Variants in CAB39L observed in about 807,000 individuals in gnomAD.
CAB39L encodes calcium-binding protein 39-like.
A neutral mutation model predicts 39.1 loss-of-function variants in CAB39L; 23 were observed. The ratio of observed to expected loss-of-function variants is 0.59; its 90% CI spans 0.42 to 0.83. The LOEUF (loss-of-function observed/expected upper bound fraction) is 0.83. Ranked by LOEUF, CAB39L falls within the 40% of genes least tolerant of loss-of-function variation. The pLI is 0.00. For synonymous variants in CAB39L, 126 were observed against 137.2 expected, an observed-to-expected ratio of 0.92 and a Z score of 0.57; for missense variants, 366 against 391.9, an observed-to-expected ratio of 0.93 and a Z score of 0.56.
At chr13:49,391,205 T>A (rs1325190800) in intron 3 of CAB39L, among the ~76,000 whole-genome samples, 1 of 152,172 alleles carries the variant, frequency 6.6e-6, no homozygotes, top group Non-Finnish European at 1.5e-5. Context: ...TGAAACACTG[T>A]TTACATAGTT....
chr13:49,341,775 C>T (rs1031369476), intron 8 of CAB39L, among the ~76,000 whole-genome samples: 10 of 152,124 alleles, frequency 6.6e-5, no homozygotes, highest in East Asian at 1.9e-4. Flanking sequence ...TTTGAGGTGA[C>T]GGGCATCCTG....
At chr13:49,435,294 T>G (rs1957390850) in intron 1 of CAB39L, among the ~76,000 whole-genome samples, 1 of 152,196 alleles carries the variant, frequency 6.6e-6, no homozygotes. Context: ...TTTCCAATCT[T>G]TTGCAAATGC....
At position 49,309,931 on chromosome 13, in the gene CAB39L, C is replaced by G. The variant is rs1953938833; in HGVS notation, c.*883G>C. The stretch of plus-strand genomic sequence containing the variant: ...TCCCTGGACCCATGGTTTGTGCCTG[C>G]TGGGCATCCCACTATGCTGATTCCT... On this transcript the variant is annotated 3_prime_UTR_variant, in exon 11 of 11. Coordinates refer to ENST00000409308, the MANE Select transcript of CAB39L (RefSeq NM_001079670.3). The G allele has an allele frequency of 6.6e-6, 1 of 152,226 alleles. No homozygotes were observed. Among genetic ancestry groups the G allele is most frequent in the South Asian group, 2.1e-4 (1 of 4,830 alleles). The allele number at this position is 152,226 out of a possible 1,614,324, so 9.4% of individuals were successfully genotyped here.
chr13:49,356,709 T>C (rs1201265899), intron 6 of CAB39L, among the ~76,000 whole-genome samples: 1 of 152,160 alleles, frequency 6.6e-6, no homozygotes, highest in Non-Finnish European at 1.5e-5. Context: ...ACAAGGATAA[T>C]TCGGTAAAAA....
At position 49,414,892 on chromosome 13, in the gene CAB39L, A is replaced by C. The variant is rs537813711; in HGVS notation, c.-32+18426T>G. On this transcript the variant is annotated intron_variant, in intron 3 of 10. Transcript: ENST00000409308. ...AGCTTTGTTTCGCCATTAAGTAGGC[A>C]TTAAAAAAAAATGTAGGCTTGCTGG... Among the ~76,000 whole-genome samples the C allele has an allele frequency of 4.6e-4, 70 of 152,268 alleles. 1 individual carries two copies. The highest frequency in any genetic ancestry group is 2.7e-3 in the South Asian group (13 of 4,826).
At chr13:49,388,852 C>T (rs7335750) in intron 3 of CAB39L, among the ~76,000 whole-genome samples, 82,644 of 151,802 alleles carry the variant, frequency 0.54, 23,873 homozygotes, top group African/African-American at 0.72. Context: ...ATAACTCAAT[C>T]AGAGAAGTAA....
intron 5 of CAB39L, 76 bp downstream of exon 5, chr13:49,376,891 G>GTAGATAGATAGA (rs111664849): frequency 0.026 from 20,590 of 785,340 alleles, 736 homozygotes; most frequent in African/African-American, 0.1. Flanking sequence ...AAGTTGAATA[G>GTAGATAGATAGA]TAGATAGATA....
chr13:49,361,477 CAAAAAA>C (rs33984866), intron 5 of CAB39L, among the ~76,000 whole-genome samples: 4 of 54,438 alleles, frequency 7.3e-5, no homozygotes, highest in African/African-American at 3.2e-4. Context: ...GACTTCATCT[CAAAAAA>C]AAAAAAAAAA....
intron 9 of CAB39L, among the ~76,000 whole-genome samples, chr13:49,338,506 TG>T (rs1440184441): frequency 6.2e-5 from 4 of 64,554 alleles, no homozygotes; most frequent in South Asian, 6.7e-4. Flanking sequence ...TGTTGTGGGG[TG>T]GGGGGAGGGG....
At chr13:49,329,534 TAAAA>T (rs777940622) in intron 10 of CAB39L, among the ~76,000 whole-genome samples, 77 of 17,388 alleles carry the variant, frequency 4.4e-3, no homozygotes, top group East Asian at 0.026. Flanking sequence ...TCTCTTCAAT[TAAAA>T]AAAAAAATAT....
chr13:49,434,687 C>T (rs1262931533), intron 1 of CAB39L, among the ~76,000 whole-genome samples: 1 of 151,792 alleles, frequency 6.6e-6, no homozygotes, highest in Non-Finnish European at 1.5e-5. Context: ...GACACCTTGT[C>T]TCTACAAAAA....
intron 3 of CAB39L, among the ~76,000 whole-genome samples, chr13:49,416,758 T>C (rs183633543): frequency 2.0e-5 from 3 of 152,292 alleles, no homozygotes; most frequent in Admixed American, 2.0e-4. Context: ...TTAAATGAAT[T>C]AATGTATAAA....
chr13:49,431,882 A>G (rs1304510891), intron 3 of CAB39L, among the ~76,000 whole-genome samples: 1 of 151,952 alleles, frequency 6.6e-6, no homozygotes, highest in Non-Finnish European at 1.5e-5. Context: ...GAAACAATTC[A>G]TCTCCATCTA....
chr13:49,349,455 C>CATAT (rs34379188), intron 7 of CAB39L, among the ~76,000 whole-genome samples: 3,690 of 141,720 alleles, frequency 0.026, 59 homozygotes, highest in African/African-American at 0.056. Flanking sequence ...AATCTGAATA[C>CATAT]ATATATATAT....
chr13:49,346,531 T>A (rs1035271371), intron 7 of CAB39L, among the ~76,000 whole-genome samples: 1 of 152,180 alleles, frequency 6.6e-6, no homozygotes, highest in Non-Finnish European at 1.5e-5. Context: ...TAGTATATTA[T>A]GCTGAAAAAT....
intron 10 of CAB39L, among the ~76,000 whole-genome samples, chr13:49,319,015 AG>A (rs1208054568): frequency 6.6e-6 from 1 of 152,096 alleles, no homozygotes; most frequent in Non-Finnish European, 1.5e-5. Flanking sequence ...AGGCCAAGGC[AG>A]GTGGATCACT....
At chr13:49,324,721 G>A (rs559142182) in intron 10 of CAB39L, among the ~76,000 whole-genome samples, 2 of 152,270 alleles carry the variant, frequency 1.3e-5, no homozygotes, top group East Asian at 3.9e-4. Context: ...GATGGGGTGA[G>A]GATCACATGG....
Position 49,379,706 on chromosome 13 carries a change from T to A in CAB39L, c.112-2575A>T, listed in dbSNP as rs796856101. Among the ~76,000 whole-genome samples, 171 of 28,740 alleles carry A rather than the reference T, an allele frequency of 5.9e-3. 51 individuals carry two copies. In the Middle Eastern group the frequency reaches 0.065, roughly 11 times the overall value. 18.9% of individuals were successfully genotyped at this position (28,740 alleles called of 152,430 possible). On this transcript the variant is annotated intron_variant, in intron 4 of 10. Coordinates refer to ENST00000409308, the MANE Select transcript of CAB39L (RefSeq NM_001079670.3). Reference sequence around the variant, plus strand: ...AGAATTATCAATAAAAAAATAAATTTAAAAAAAAAAAAAAACAAAAAAACA... The same window carrying A: ...AGAATTATCAATAAAAAAATAAATTAAAAAAAAAAAAAAAACAAAAAAACA...
intron 10 of CAB39L, among the ~76,000 whole-genome samples, chr13:49,328,527 G>A (rs888460907): frequency 6.6e-6 from 1 of 152,022 alleles, no homozygotes; most frequent in South Asian, 2.1e-4. Context: ...AAATTTTAGT[G>A]TGGTCACATT....
Sources: allele counts gnomAD v4.1 joint callset (sites outside exome capture counted in the v4.1 genomes callset), GRCh38; gene constraint gnomAD v4.1.1; transcripts MANE v1.5; gene names NCBI Gene and HGNC (gene_info 2026-07-23, HGNC 2026-07-21).